The following NBR1 variants were observed in gnomAD, a reference collection of about 807,000 sequenced individuals.
NBR1 encodes the protein next to BRCA1 gene 1 protein.
A neutral mutation model predicts 115.5 loss-of-function variants in NBR1; 59 were observed. The ratio of observed to expected loss-of-function variants is 0.51; its 90% CI spans 0.41 to 0.63. The LOEUF is 0.63. Ranked by LOEUF, NBR1 falls within the 30% of genes least tolerant of loss-of-function variation. The probability of loss-of-function intolerance (pLI) is 0.00; values close to 1 mark genes in which losing one functional copy is unlikely to be tolerated. For missense variants in NBR1, 1,043 were observed against 1,150.5 expected, an observed-to-expected ratio of 0.91 and a Z score of 1.35; for synonymous variants, 373 against 414.7, an observed-to-expected ratio of 0.90 and a Z score of 1.22.
chr17:43,178,095 T>A (rs2056568892), intron 3 of NBR1, 97 bp downstream of exon 3: 1 of 1,392,998 alleles, frequency 7.2e-7, no homozygotes, highest in African/African-American at 1.4e-5. Flanking sequence ...GTGTTTAGCT[T>A]ATTTGTGTGG....
rs751802649 is a variant in NBR1 at position 43,200,246 on chromosome 17, G to GGAGGAGGAGGAGGATGAGGAGGAT, written c.2125_2148dup (p.Glu709_Glu716dup). The GGAGGAGGAGGAGGATGAGGAGGAT allele has an allele frequency of 7.1e-6, 11 of 1,547,124 alleles. No individual in the cohort carries two copies. Among genetic ancestry groups the GGAGGAGGAGGAGGATGAGGAGGAT allele is most frequent in the Admixed American group, 2.0e-5 (1 of 50,936 alleles). On this transcript the variant is annotated inframe_insertion, in exon 17 of 21. Coordinates refer to ENST00000590996, the MANE Select transcript of NBR1 (RefSeq NM_005899.5). ...ATATCGCTGAGGAAGAAGCTGTCATGGAGGAGGAGGAGGATGAGGAGGATG... is the reference window on the plus strand; with the variant it reads ...ATATCGCTGAGGAAGAAGCTGTCATGGAGGAGGAGGAGGATGAGGAGGATGAGGAGGAGGAGGATGAGGAGGATG...
At chr17:43,190,350 A>C in intron 8 of NBR1, 1 of 456,866 alleles carries the variant, frequency 2.2e-6, no homozygotes, top group South Asian at 2.0e-5. Flanking sequence ...GGGATTACAG[A>C]CATGAGCCAC....
rs1012298386 is a variant in NBR1 at position 43,210,970 on chromosome 17, G to C, written c.*896G>C. 1.1e-5 allele frequency: 4 copies of C among 358,634 alleles called. No homozygotes were observed. The Admixed American group carries it at 1.9e-4, about 17-fold the overall frequency. The allele number at this position is 358,634 out of a possible 1,614,324, so 22.2% of individuals were successfully genotyped here. On this transcript the variant is annotated 3_prime_UTR_variant, in exon 21 of 21. Transcript: ENST00000590996. Reference sequence around the variant, plus strand: ...GAAACATGTGAAAGGCAAAAGGCAGGCTCCTAAATTAATGTCAGTGAAGTT... The same window carrying C: ...GAAACATGTGAAAGGCAAAAGGCAGCCTCCTAAATTAATGTCAGTGAAGTT...
intron 5 of NBR1, among the ~76,000 whole-genome samples, chr17:43,184,794 G>A (rs907973278): frequency 2.6e-5 from 4 of 151,720 alleles, no homozygotes; most frequent in African/African-American, 9.7e-5. Context: ...AGAGAGTCTT[G>A]TATAAAAACC....
At position 43,203,747 on chromosome 17, in the gene NBR1, A is replaced by T. The variant is rs527744712; in HGVS notation, c.2688A>T (p.Ala896=). Residue 896 remains alanine (A), a synonymous_variant, in exon 20 of 21, where the codon GCA becomes GCT. Transcript: ENST00000590996. ...VKGALSVAAS[A]YKALFAGPPV... ...GGGCTTTGTCTGTTGCTGCCTCTGC[A>T]TACAAGGCCCTGTTTGCTGGGCCAC... is the stretch of plus-strand genomic sequence containing the variant. 6.2e-7 allele frequency: 1 copy of T among 1,607,002 alleles called. No homozygotes were observed. Among genetic ancestry groups the T allele is most frequent in the South Asian group, 1.1e-5 (1 of 89,474 alleles).
At position 43,209,557 on chromosome 17, in the gene NBR1, G is replaced by T. The variant is rs1037475980; in HGVS notation, c.2728-344G>T. The T allele has an allele frequency of 5.2e-6, 8 of 1,533,714 alleles. 1 individual carries two copies. In the Admixed American group the frequency reaches 1.2e-4, roughly 23 times the overall value. ...ATCACAATTACACTTATGTTCACAG[G>T]GTCTCTGGGGCTTGCTGTCATTCCT... is the stretch of plus-strand genomic sequence containing the variant. On this transcript the variant is annotated intron_variant, in intron 20 of 20. Transcript: ENST00000590996.
intron 1 of NBR1, among the ~76,000 whole-genome samples, chr17:43,171,780 C>A (rs1474193176): frequency 3.3e-5 from 5 of 152,128 alleles, no homozygotes; most frequent in Non-Finnish European, 7.4e-5. Flanking sequence ...ACTGTTTTTC[C>A]TTTTTGTCAA....
intron 10 of NBR1, among the ~76,000 whole-genome samples, chr17:43,192,676 G>A (rs964242235): frequency 1.3e-5 from 2 of 152,150 alleles, no homozygotes; most frequent in African/African-American, 2.4e-5. Context: ...GCCAAGTTTC[G>A]TAGTTATTTT....
At chr17:43,185,436 G>A (rs570165853) in intron 5 of NBR1, among the ~76,000 whole-genome samples, 3 of 152,186 alleles carry the variant, frequency 2.0e-5, no homozygotes, top group East Asian at 1.9e-4. Flanking sequence ...ATGGTGGTGC[G>A]CACCTGTAGT....
In NBR1 at chr17:43,210,067, G is replaced by A. The variant is rs769420426; in HGVS notation, c.2894G>A (p.Arg965His). The A allele has an allele frequency of 9.3e-6, 15 of 1,610,112 alleles. No homozygotes were observed. In the East Asian group the frequency reaches 1.3e-4, roughly 14 times the overall value. Residue 965 changes from arginine (R) to histidine (H), a missense_variant, in exon 21 of 21, where the codon CGC becomes CAC. Physicochemically the swap from Arg to His is conservative, Grantham distance 29 (BLOSUM62 0). Coordinates refer to ENST00000590996, the MANE Select transcript of NBR1 (RefSeq NM_005899.5). ...QLNNNDWYSQ[R>H]Y ...AACAACAACGACTGGTACAGCCAACGCTATTGAGGAGTGACCTTGTATTAA... is the reference window on the plus strand; with the variant it reads ...AACAACAACGACTGGTACAGCCAACACTATTGAGGAGTGACCTTGTATTAA...
At chr17:43,176,096 T>G (rs551897513) in intron 2 of NBR1, 195 bp downstream of exon 2, 1 of 444,692 alleles carries the variant, frequency 2.2e-6, no homozygotes, top group African/African-American at 2.0e-5. Flanking sequence ...AACCAACACA[T>G]AAATTTCCTT....
At chr17:43,188,185 C>T (rs1006192886) in intron 6 of NBR1, among the ~76,000 whole-genome samples, 5 of 152,120 alleles carry the variant, frequency 3.3e-5, no homozygotes, top group African/African-American at 7.2e-5. Context: ...CCACTGCGCC[C>T]GGCCTGATTT....
chr17:43,204,602 G>A (rs562051649), intron 20 of NBR1, among the ~76,000 whole-genome samples: 1 of 152,062 alleles, frequency 6.6e-6, no homozygotes, highest in African/African-American at 2.4e-5. Flanking sequence ...GGATCACAAG[G>A]TCAGGAGATC....
chr17:43,179,939 G>C (rs2056622005), intron 4 of NBR1, among the ~76,000 whole-genome samples: 1 of 152,154 alleles, frequency 6.6e-6, no homozygotes, highest in Admixed American at 6.6e-5. Flanking sequence ...TTGAGATTTT[G>C]TAACTGGAAG....
intron 14 of NBR1, chr17:43,195,556 C>T (rs935498903): frequency 3.2e-5 from 5 of 155,206 alleles, no homozygotes; most frequent in African/African-American, 4.9e-5. Context: ...GAGGCTGAGG[C>T]GGGAGAATTG....
At chr17:43,203,152 CAA>C (rs936549713) in intron 19 of NBR1, among the ~76,000 whole-genome samples, 5 of 138,276 alleles carry the variant, frequency 3.6e-5, no homozygotes, top group African/African-American at 5.3e-5. Context: ...GAAACAACAT[CAA>C]AAAAAAAAAA....
Position 43,185,812 on chromosome 17 carries a change from C to G in NBR1, c.208-438C>G, listed in dbSNP as rs187989274. 9.2e-5 allele frequency among the ~76,000 whole-genome samples: 14 copies of G among 152,230 alleles called. No homozygotes were observed. In the South Asian group the frequency reaches 2.9e-3, roughly 32 times the overall value. On this transcript the variant is annotated intron_variant, in intron 5 of 20. Transcript: ENST00000590996. ...GGGAGTTCGAGACCAGCCTAGCCAACATAGTGAAACCCCATCTCTACTACA... is the reference window on the plus strand; with the variant it reads ...GGGAGTTCGAGACCAGCCTAGCCAAGATAGTGAAACCCCATCTCTACTACA...
chr17:43,210,578 G>T lies in NBR1; in HGVS notation c.*504G>T, dbSNP rs1231444366. The T allele has an allele frequency of 2.5e-6, 1 of 398,354 alleles. No individual in the cohort carries two copies. Among genetic ancestry groups the T allele is most frequent in the Non-Finnish European group, 4.4e-6 (1 of 226,032 alleles). The allele number at this position is 398,354 out of a possible 1,614,324, so 24.7% of individuals were successfully genotyped here. ...TTGAAATAACACCCAGAGCATGATA[G>T]AAATGTTGTTACTCTTCCTCTCTCA... is the stretch of plus-strand genomic sequence containing the variant. On this transcript the variant is annotated 3_prime_UTR_variant, in exon 21 of 21. Transcript: ENST00000590996.
intron 5 of NBR1, among the ~76,000 whole-genome samples, chr17:43,185,441 T>C (rs975068525): frequency 6.6e-6 from 1 of 152,158 alleles, no homozygotes; most frequent in Non-Finnish European, 1.5e-5. Context: ...GGTGCGCACC[T>C]GTAGTCCCAG....
Sources: allele counts gnomAD v4.1 joint callset (sites outside exome capture counted in the v4.1 genomes callset), GRCh38; gene constraint gnomAD v4.1.1; transcripts MANE v1.5; gene names NCBI Gene and HGNC (gene_info 2026-07-23, HGNC 2026-07-21).